PRRC2B: variants seen among roughly 807,000 people sequenced by gnomAD.
PRRC2B encodes proline rich coiled-coil 2B.
In PRRC2B, 68 loss-of-function variants were observed where a neutral mutation model predicts 242.3. The ratio of observed to expected loss-of-function variants is 0.28; its 90% CI spans 0.23 to 0.34. The LOEUF is 0.34. Ranked by LOEUF, PRRC2B falls within the 10% of genes least tolerant of loss-of-function variation. The pLI is 1.00. For synonymous variants in PRRC2B, 1,228 were observed against 1,173.6 expected, an observed-to-expected ratio of 1.05 and a Z score of -0.95; for missense variants, 2,835 against 2,954.8, an observed-to-expected ratio of 0.96 and a Z score of 0.94.
intron 1 of PRRC2B, among the ~76,000 whole-genome samples, chr9:131,403,055 G>T (rs1283433979): frequency 6.6e-6 from 1 of 152,204 alleles, no homozygotes; most frequent in Non-Finnish European, 1.5e-5. Context: ...CTCTTTCCAT[G>T]GGTCCTTTGT....
At chr9:131,376,048 A>C (rs1389188541) in intron 1 of PRRC2B, among the ~76,000 whole-genome samples, 1 of 76,536 alleles carries the variant, frequency 1.3e-5, no homozygotes. Context: ...GACTGTCTCA[A>C]AAAAAAAAAA....
chr9:131,375,737 G>A (rs1157522163), intron 1 of PRRC2B, among the ~76,000 whole-genome samples: 2 of 152,034 alleles, frequency 1.3e-5, no homozygotes, highest in East Asian at 1.9e-4. Flanking sequence ...TGATGTTAAG[G>A]ATGAAATTCG....
In PRRC2B at chr9:131,432,350, G is replaced by A. The variant is rs891084319; in HGVS notation, c.116-267G>A. ...TCCTCACCCATGTTGTAAAGTCTGC[G>A]AGCCTTGTCCTGCCCATCAGTGAAA... On this transcript the variant is annotated intron_variant, in intron 2 of 31. Coordinates refer to ENST00000683519, the MANE Select transcript of PRRC2B (RefSeq NM_013318.4). Among the ~76,000 whole-genome samples, 3 of 152,224 alleles carry A rather than the reference G, an allele frequency of 2.0e-5. No homozygotes were observed. The East Asian group carries it at 5.8e-4, about 29-fold the overall frequency.
At position 131,447,713 on chromosome 9, in the gene PRRC2B, G is replaced by A. The variant is rs750355119; in HGVS notation, c.1029G>A (p.Leu343=). 3 of 1,613,216 alleles carry A rather than the reference G, an allele frequency of 1.9e-6. No homozygotes were observed. Among genetic ancestry groups the A allele is most frequent in the Non-Finnish European group, 2.5e-6 (3 of 1,179,584 alleles). ...GCCCACTCCGCCCACTAAGGCAGCT[G>A]GTGGAGCGGGCACCACGGCCCACCA... ...LSRPLRPLRQ[L]VERAPRPTII... Residue 343 remains leucine (L), a synonymous_variant, in exon 9 of 32, where the codon CTG becomes CTA. Transcript: ENST00000683519.
At chr9:131,442,580 T>A (rs1838632790) in intron 5 of PRRC2B, among the ~76,000 whole-genome samples, 1 of 152,146 alleles carries the variant, frequency 6.6e-6, no homozygotes, top group South Asian at 2.1e-4. Context: ...TGCCACGTGC[T>A]TGTGTGGTGA....
intron 1 of PRRC2B, among the ~76,000 whole-genome samples, chr9:131,419,273 T>G (rs1206140988): frequency 6.6e-6 from 1 of 152,188 alleles, no homozygotes; most frequent in Non-Finnish European, 1.5e-5. Flanking sequence ...ATCTCTGTCT[T>G]CCTGAGAATT....
At chr9:131,420,999 C>T (rs1362680805) in intron 1 of PRRC2B, among the ~76,000 whole-genome samples, 2 of 152,200 alleles carry the variant, frequency 1.3e-5, no homozygotes, top group Non-Finnish European at 2.9e-5. Flanking sequence ...ACTGCAACCC[C>T]GATTGCAGCC....
At chr9:131,436,507 C>T in intron 3 of PRRC2B, 113 bp from the exon 4 acceptor site, 1 of 728,812 alleles carries the variant, frequency 1.4e-6, no homozygotes, top group Non-Finnish European at 2.3e-6. Flanking sequence ...TTTTATTGGC[C>T]AGAGGAGGTC....
intron 25 of PRRC2B, 73 bp from the exon 26 acceptor site, chr9:131,486,012 G>T (rs541748532): frequency 9.6e-7 from 1 of 1,040,482 alleles, no homozygotes; most frequent in South Asian, 1.3e-5. Flanking sequence ...CCTGTAGACT[G>T]TTTCCCTCAG....
chr9:131,458,736 C>T (rs1943155878), intron 10 of PRRC2B, among the ~76,000 whole-genome samples: 1 of 152,156 alleles, frequency 6.6e-6, no homozygotes, highest in Admixed American at 6.5e-5. Context: ...CTCCTGACCT[C>T]AAATGATCAG....
intron 11 of PRRC2B, among the ~76,000 whole-genome samples, chr9:131,462,398 A>G (rs1320482393): frequency 3.3e-5 from 5 of 151,850 alleles, no homozygotes; most frequent in African/African-American, 7.3e-5. Flanking sequence ...TTTTTAGTAG[A>G]AATGGGGTTT....
intron 4 of PRRC2B, among the ~76,000 whole-genome samples, chr9:131,438,696 G>C (rs1382929628): frequency 6.6e-6 from 1 of 152,170 alleles, no homozygotes; most frequent in Non-Finnish European, 1.5e-5. Context: ...AAACAGGTTT[G>C]GGTCCTGGCT....
chr9:131,495,925 G>C lies in PRRC2B; in HGVS notation c.*51G>C, dbSNP rs1944322832. On this transcript the variant is annotated 3_prime_UTR_variant, in exon 32 of 32. Coordinates refer to ENST00000683519, the MANE Select transcript of PRRC2B (RefSeq NM_013318.4). The stretch of plus-strand genomic sequence containing the variant: ...TCCCTACTGAGGACGGTGCCGCCAT[G>C]CGGCCTCGACACAGCCGACACTCGG... 1.9e-6 allele frequency: 3 copies of C among 1,578,712 alleles called. No individual in the cohort carries two copies. Among genetic ancestry groups the C allele is most frequent in the South Asian group, 2.2e-5 (2 of 90,338 alleles).
At position 131,446,263 on chromosome 9, in the gene PRRC2B, G is replaced by A. The variant is rs1287321319; in HGVS notation, c.614-138G>A. On this transcript the variant is annotated intron_variant, in intron 6 of 31. Transcript: ENST00000683519. The surrounding 1 kb of genome is among the most constrained non-coding windows in gnomAD (Gnocchi z 4.1). ...CCAACCTTCCCTGACAGATTTAACAGTTCTTCACTTTTGGTGTTTTTTGTT... is the reference window on the plus strand; with the variant it reads ...CCAACCTTCCCTGACAGATTTAACAATTCTTCACTTTTGGTGTTTTTTGTT... 9.3e-7 allele frequency: 1 copy of A among 1,075,612 alleles called. No homozygotes were observed. The highest frequency in any genetic ancestry group is 1.6e-5 in the African/African-American group (1 of 62,916). 66.6% of individuals were successfully genotyped at this position (1,075,612 alleles called of 1,614,324 possible).
At chr9:131,449,583 CTTTG>C (rs1019565261) in intron 9 of PRRC2B, among the ~76,000 whole-genome samples, 1 of 152,208 alleles carries the variant, frequency 6.6e-6, no homozygotes. Flanking sequence ...ATATATTGTC[CTTTG>C]TTTGGTATCT....
chr9:131,378,920 T>C lies in PRRC2B; in HGVS notation c.-56+5189T>C, dbSNP rs572713517. On this transcript the variant is annotated intron_variant, in intron 1 of 1. Transcript: ENST00000682525. Reference sequence around the variant, plus strand: ...TTTTAGTAGAGACGAGGTTTCACCATGTTGGCCAGGCTGGTCTTGAACTCC... The same window carrying C: ...TTTTAGTAGAGACGAGGTTTCACCACGTTGGCCAGGCTGGTCTTGAACTCC... 8.8e-4 allele frequency among the ~76,000 whole-genome samples: 134 copies of C among 152,180 alleles called. 1 individual carries two copies. In the Middle Eastern group the frequency reaches 9.5e-3, roughly 11 times the overall value.
chr9:131,402,842 G>C (rs1837260184), intron 1 of PRRC2B, among the ~76,000 whole-genome samples: 1 of 152,206 alleles, frequency 6.6e-6, no homozygotes, highest in Admixed American at 6.6e-5. Flanking sequence ...CTGCTTTCCA[G>C]AGAGTGCCGA....
At chr9:131,434,921 A>G (rs146105022) in intron 3 of PRRC2B, among the ~76,000 whole-genome samples, 5 of 152,172 alleles carry the variant, frequency 3.3e-5, no homozygotes, top group African/African-American at 1.2e-4. Context: ...AAACTTCAAA[A>G]TATCTTTTGA....
intron 5 of PRRC2B, 110 bp from the exon 6 acceptor site, chr9:131,444,075 C>A: frequency 7.9e-7 from 1 of 1,269,496 alleles, no homozygotes; most frequent in Non-Finnish European, 1.1e-6. Context: ...GACAAGACTC[C>A]CTTCAAAAGC....
Sources: gnomAD v4.1 joint callset for allele counts (sites outside exome capture counted in the v4.1 genomes callset) on GRCh38, gnomAD v4.1.1 for gene constraint, Gnocchi (gnomAD v3.1) non-coding constraint, MANE v1.5 for transcripts, NCBI Gene and HGNC (gene_info 2026-07-23, HGNC 2026-07-21) for gene names.